The following FAF1 variants were observed in gnomAD, a reference collection of about 807,000 sequenced individuals.
FAF1 encodes FAS-associated factor 1.
Under a neutral mutation model 92.5 loss-of-function variants are expected in FAF1, and 25 were observed. The ratio of observed to expected loss-of-function variants is 0.27; its 90% CI spans 0.20 to 0.38. The LOEUF (loss-of-function observed/expected upper bound fraction) is 0.38. Among genes scored for constraint, FAF1 ranks in the 10% least tolerant of loss-of-function variants. The pLI is 1.00. For synonymous variants in FAF1, 234 were observed against 273.2 expected, an observed-to-expected ratio of 0.86 and a Z score of 1.42; for missense variants, 636 against 793.3, an observed-to-expected ratio of 0.80 and a Z score of 2.38.
chr1:50,756,790 A>T (rs1660092594), intron 4 of FAF1, among the ~76,000 whole-genome samples: 1 of 152,206 alleles, frequency 6.6e-6, no homozygotes, highest in South Asian at 2.1e-4. Context: ...GAGCTTGTGC[A>T]GGGAAACTCC....
intron 8 of FAF1, among the ~76,000 whole-genome samples, chr1:50,622,717 A>G (rs1653273200): frequency 6.6e-6 from 1 of 152,162 alleles, no homozygotes; most frequent in South Asian, 2.1e-4. Context: ...GTAAAGAGGA[A>G]CAGAGAGGAT....
chr1:50,538,426 T>C lies in FAF1; in HGVS notation c.1405+1166A>G, dbSNP rs72898990. 6.6e-3 allele frequency among the ~76,000 whole-genome samples: 1,011 copies of C among 152,086 alleles called. 20 individuals carry two copies. The highest frequency in any genetic ancestry group is 0.023 in the African/African-American group (957 of 41,494). On this transcript the variant is annotated intron_variant, in intron 14 of 18. Coordinates refer to ENST00000396153, the MANE Select transcript of FAF1 (RefSeq NM_007051.3). ...TTCTTTTCTTTTTTAACTAAATACATGGCAATGAAGAATATGACTACTATT... is the reference window on the plus strand; with the variant it reads ...TTCTTTTCTTTTTTAACTAAATACACGGCAATGAAGAATATGACTACTATT...
At chr1:50,571,246 C>G (rs1399643209) in intron 12 of FAF1, among the ~76,000 whole-genome samples, 1 of 152,172 alleles carries the variant, frequency 6.6e-6, no homozygotes, top group Non-Finnish European at 1.5e-5. Flanking sequence ...GTCTGGCAGA[C>G]CACAAAGGCA....
At chr1:50,806,681 C>T (rs1317352375) in intron 2 of FAF1, among the ~76,000 whole-genome samples, 1 of 152,214 alleles carries the variant, frequency 6.6e-6, no homozygotes, top group Non-Finnish European at 1.5e-5. Context: ...CAGCATGTTC[C>T]TAACCTCAAG....
intron 1 of FAF1, among the ~76,000 whole-genome samples, chr1:50,917,703 A>AAAGGAAAGGAAAG (rs1419508834): frequency 7.8e-6 from 1 of 127,780 alleles, no homozygotes; most frequent in African/African-American, 2.8e-5. Context: ...GGAAAGGAAA[A>AAAGGAAAGGAAAG]GAAAGAAAAC....
chr1:50,578,360 C>T (rs1572846378), intron 12 of FAF1, among the ~76,000 whole-genome samples: 1 of 152,142 alleles, frequency 6.6e-6, no homozygotes, highest in African/African-American at 2.4e-5. Flanking sequence ...AATGTTTGAA[C>T]ATGAGCAAAC....
At chr1:50,716,037 A>G (rs1265092570) in intron 6 of FAF1, among the ~76,000 whole-genome samples, 1 of 152,214 alleles carries the variant, frequency 6.6e-6, no homozygotes, top group Non-Finnish European at 1.5e-5. Context: ...GTACTTCTGC[A>G]ACCCACTTGT....
At chr1:50,785,157 A>G (rs993237072) in intron 4 of FAF1, among the ~76,000 whole-genome samples, 3 of 144,254 alleles carry the variant, frequency 2.1e-5, no homozygotes, top group Admixed American at 6.9e-5. Context: ...AAAAAAAAAG[A>G]CTTGAAACTA....
intron 1 of FAF1, among the ~76,000 whole-genome samples, chr1:50,908,174 G>A (rs1644855308): frequency 6.6e-6 from 1 of 152,216 alleles, no homozygotes; most frequent in South Asian, 2.1e-4. Context: ...CCATGTAGTT[G>A]AGTGGTTTCG....
intron 3 of FAF1, among the ~76,000 whole-genome samples, chr1:50,800,310 T>C (rs865830345): frequency 9.9e-5 from 15 of 152,184 alleles, no homozygotes; most frequent in African/African-American, 3.1e-4. Flanking sequence ...AGATTTTGCA[T>C]AGCAAAAATT....
Position 50,622,169 on chromosome 1 carries a change from A to AG in FAF1, c.745-25954_745-25953insC. Among the ~76,000 whole-genome samples, 2 of 151,832 alleles carry AG rather than the reference A, an allele frequency of 1.3e-5. 1 individual carries two copies. The highest frequency in any genetic ancestry group is 6.8e-3 in the Middle Eastern group (2 of 294). On this transcript the variant is annotated intron_variant, in intron 8 of 18. Coordinates refer to ENST00000396153, the MANE Select transcript of FAF1 (RefSeq NM_007051.3). ...AACAGAGCGAGACTCCATCTCAAAAAAAAAAAAATAAAAAGAAAAAAAAAA... is the reference window on the plus strand; with the variant it reads ...AACAGAGCGAGACTCCATCTCAAAAAGAAAAAAAATAAAAAGAAAAAAAAAA...
At chr1:50,732,114 G>A (rs1658951594) in intron 6 of FAF1, among the ~76,000 whole-genome samples, 2 of 151,580 alleles carry the variant, frequency 1.3e-5, no homozygotes, top group Non-Finnish European at 2.9e-5. Context: ...TGGCTCTGTC[G>A]CCCAGGCTGG....
chr1:50,553,765 T>A (rs1220239270), intron 13 of FAF1, among the ~76,000 whole-genome samples: 1 of 152,100 alleles, frequency 6.6e-6, no homozygotes, highest in Non-Finnish European at 1.5e-5. Context: ...GTTACATTGA[T>A]AAAAGGTTAT....
chr1:50,526,564 A>G (rs1436709363), intron 15 of FAF1, among the ~76,000 whole-genome samples: 3 of 151,924 alleles, frequency 2.0e-5, no homozygotes, highest in Non-Finnish European at 4.4e-5. Context: ...TCTGCCTCCC[A>G]AAGGGCTAGG....
rs185323809 is a variant in FAF1 at position 50,915,511 on chromosome 1, T to A, written c.45+44256A>T. On this transcript the variant is annotated intron_variant, in intron 1 of 18. Coordinates refer to ENST00000396153, the MANE Select transcript of FAF1 (RefSeq NM_007051.3). The stretch of plus-strand genomic sequence containing the variant: ...AGACGAGTAGAAGATAAAACCTAAC[T>A]GTTTACAGAGATGATGTCTGGTAAA... Among the ~76,000 whole-genome samples, 2 of 152,112 alleles carry A rather than the reference T, an allele frequency of 1.3e-5. 1 individual carries two copies. Among genetic ancestry groups the A allele is most frequent in the African/African-American group, 4.8e-5 (2 of 41,428 alleles).
intron 9 of FAF1, among the ~76,000 whole-genome samples, chr1:50,593,196 A>T (rs1430610366): frequency 1.3e-5 from 2 of 152,166 alleles, no homozygotes; most frequent in Non-Finnish European, 2.9e-5. Context: ...AGTTTGGCAA[A>T]GCCTCCCAAT....
intron 1 of FAF1, among the ~76,000 whole-genome samples, chr1:50,944,707 G>T (rs920476470): frequency 2.6e-5 from 4 of 152,170 alleles, no homozygotes; most frequent in African/African-American, 9.7e-5. Flanking sequence ...TTCAACAAGA[G>T]AATCTAGGTA....
At chr1:50,534,847 A>G (rs1025247207) in intron 15 of FAF1, among the ~76,000 whole-genome samples, 13 of 152,200 alleles carry the variant, frequency 8.5e-5, no homozygotes, top group African/African-American at 2.9e-4. Flanking sequence ...CATGTTATCT[A>G]TAACACCTGA....
chr1:50,441,599 T>C (rs1646166969), intron 18 of FAF1, 76 bp from the exon 19 acceptor site: 2 of 724,342 alleles, frequency 2.8e-6, no homozygotes, highest in Non-Finnish European at 2.2e-6. Context: ...ATTTTATCTA[T>C]GCACACTGAT....
Sources: allele counts gnomAD v4.1 joint callset (sites outside exome capture counted in the v4.1 genomes callset), GRCh38; gene constraint gnomAD v4.1.1; transcripts MANE v1.5; gene names NCBI Gene and HGNC (gene_info 2026-07-23, HGNC 2026-07-21).